SHF: variants seen among roughly 807,000 people sequenced by gnomAD.
SHF encodes SH2 domain-containing adapter protein F.
Under a neutral mutation model 42.4 loss-of-function variants are expected in SHF, and 30 were observed. The observed-to-expected ratio is 0.71, with a 90% confidence interval of 0.53 to 0.96. The LOEUF (loss-of-function observed/expected upper bound fraction) is 0.96. Ranked by LOEUF, SHF falls within the 40% of genes least tolerant of loss-of-function variation. SHF has a pLI of 0.00. For synonymous variants in SHF, 264 were observed against 269.9 expected (o/e 0.98, Z 0.21); for missense variants, 598 against 634.0 (o/e 0.94, Z 0.61).
At position 45,195,052 on chromosome 15, in the gene SHF, A is replaced by G. The variant is rs531495187; in HGVS notation, c.303+3720T>C. ...TCACTCTGTTGCCCAGGCTGCTCTC[A>G]AACTCTTGAGTTCAAGTGATCCTCC... On this transcript the variant is annotated intron_variant, in intron 2 of 7. Transcript: ENST00000290894. Among the ~76,000 whole-genome samples, 9 of 152,096 alleles carry G rather than the reference A, an allele frequency of 5.9e-5. No homozygotes were observed. The East Asian group carries it at 1.8e-3, about 30-fold the overall frequency.
At chr15:45,190,399 T>C (rs190530156), upstream of SHF, among the ~76,000 whole-genome samples, 2 of 152,200 alleles carry the variant, frequency 1.3e-5, no homozygotes, top group Non-Finnish European at 2.9e-5. Context: ...AGAAATCCAA[T>C]AGTTGTGGGC....
At chr15:45,179,264 G>A (rs780424190) in intron 1 of SHF, among the ~76,000 whole-genome samples, 5 of 152,240 alleles carry the variant, frequency 3.3e-5, no homozygotes, top group Admixed American at 6.5e-5. Context: ...ACCATTCTAC[G>A]TAAGTGGAGG....
At chr15:45,199,020 C>G (rs752024439) in exon 2 of SHF, 10 of 1,608,720 alleles carry the variant, frequency 6.2e-6, no homozygotes, top group Non-Finnish European at 8.5e-6. Flanking sequence ...CGCGAACCCT[C>G]CAGGGTTCCG....
upstream of SHF, among the ~76,000 whole-genome samples, chr15:45,190,279 C>G (rs916939488): frequency 2.0e-5 from 3 of 152,130 alleles, no homozygotes; most frequent in South Asian, 2.1e-4. Flanking sequence ...ACTAATGGTG[C>G]AAAACGAAGC....
intron 2 of SHF, among the ~76,000 whole-genome samples, chr15:45,194,085 T>C (rs1898792880): frequency 8.2e-6 from 1 of 121,614 alleles, no homozygotes; most frequent in Admixed American, 9.9e-5. Context: ...CTGGGCAGCA[T>C]AGTGAGAGTT....
At chr15:45,187,359 G>C in intron 1 of SHF, 95 bp downstream of exon 1, 1 of 1,172,896 alleles carries the variant, frequency 8.5e-7, no homozygotes, top group Non-Finnish European at 1.1e-6. Context: ...CTGAGACACC[G>C]AGGGGCCCGG....
chr15:45,170,400 G>T lies in SHF; in HGVS notation c.1280+1483C>A, dbSNP rs76108212. ...TTTTAAAGCAATACACATTTCTGAG[G>T]TTATGTAAATCAAATTTTTGACAAA... On this transcript the variant is annotated intron_variant, in intron 6 of 6. Transcript: ENST00000690270. 1.5e-4 allele frequency: 190 copies of T among 1,288,830 alleles called. No individual in the cohort carries two copies. The African/African-American group carries it at 2.7e-3, about 18-fold the overall frequency. The allele number at this position is 1,288,830 out of a possible 1,614,324, so 79.8% of individuals were successfully genotyped here. A position where few individuals can be genotyped will look rare whatever the true frequency, so the allele number is the denominator to read the frequency against.
At chr15:45,194,391 G>A (rs191397887) in intron 2 of SHF, among the ~76,000 whole-genome samples, 32 of 151,558 alleles carry the variant, frequency 2.1e-4, no homozygotes, top group African/African-American at 6.5e-4. Flanking sequence ...TTGCTCTGTC[G>A]CCCAGGCTGG....
intron 1 of SHF, among the ~76,000 whole-genome samples, chr15:45,185,649 C>T (rs1898353469): frequency 1.3e-5 from 2 of 152,150 alleles, no homozygotes; most frequent in African/African-American, 4.8e-5. Flanking sequence ...ATCTCTTGGC[C>T]CCTAAGTCTG....
exon 1 of SHF, chr15:45,200,821 T>C (rs1313659133): frequency 8.8e-6 from 4 of 456,296 alleles, no homozygotes; most frequent in African/African-American, 6.0e-5. Flanking sequence ...GTCGTTCAGA[T>C]AGCATGATAG....
Position 45,175,199 on chromosome 15 carries a change from C to T in SHF, c.847+20G>A, listed in dbSNP as rs748063412. ...CTGCTCAGAGGCCCCAGCTGACCTG[C>T]CCTCTCCACCAGGACTCACCTGCAA... is the stretch of plus-strand genomic sequence containing the variant. On this transcript the variant is annotated intron_variant, in intron 3 of 6. Coordinates refer to ENST00000690270, the MANE Select transcript of SHF (RefSeq NM_001394037.1). 5.0e-6 allele frequency: 8 copies of T among 1,597,438 alleles called. No individual in the cohort carries two copies. The Admixed American group carries it at 5.2e-5, about 10-fold the overall frequency.
At position 45,187,825 on chromosome 15, in the gene SHF, C is replaced by A. The variant is rs1898528100; in HGVS notation, c.127G>T (p.Gly43Cys). ...AGCCACTTGGCTACTCCGCCGCTGC[C>A]GCCCCCTCCTGGGCCGGCTCCCGCA... ...GGAGAGPGGG[G>C]SGGVAKWLRE... The change falls in exon 1 of 7, where the codon GGC (glycine) becomes TGC (cysteine). Residue 43 changes from glycine (G) to cysteine (C), a missense_variant. Physicochemically the swap from Gly to Cys is radical, Grantham distance 159. Around this residue, in one of 2 missense-constraint regions of SHF, gnomAD observed 159 missense variants for 109.3 expected, o/e 1.45. Coordinates refer to ENST00000690270, the MANE Select transcript of SHF (RefSeq NM_001394037.1). The A allele has an allele frequency of 2.1e-6, 2 of 935,498 alleles. No individual in the cohort carries two copies. The highest frequency in any genetic ancestry group is 5.0e-5 in the South Asian group (1 of 20,100). 57.9% of individuals were successfully genotyped at this position (935,498 alleles called of 1,614,324 possible).
At chr15:45,190,736 G>C (rs1394612157), upstream of SHF, among the ~76,000 whole-genome samples, 1 of 152,010 alleles carries the variant, frequency 6.6e-6, no homozygotes, top group African/African-American at 2.4e-5. Flanking sequence ...CATAGAGGTG[G>C]GAACCCGCAC....
chr15:45,182,592 T>C (rs1898187124), intron 1 of SHF, among the ~76,000 whole-genome samples: 1 of 152,236 alleles, frequency 6.6e-6, no homozygotes, highest in African/African-American at 2.4e-5. Flanking sequence ...TAGTATGTTA[T>C]CATAGATTTT....
chr15:45,188,084 G>A (rs1311208320), upstream of SHF: 1 of 344,336 alleles, frequency 2.9e-6, no homozygotes, highest in Non-Finnish European at 4.8e-6. Flanking sequence ...GCGGGGCTCC[G>A]CTCCCTAACA....
At position 45,167,891 on chromosome 15, in the gene SHF, C is replaced by G. The variant is rs989447771; in HGVS notation, c.*56G>C. ...CCCTGGCAAGAGCCACAGCCCTCAG[C>G]CAGGTGATGGGCACAGGGCTGGGTA... On this transcript the variant is annotated 3_prime_UTR_variant, in exon 7 of 7. Coordinates refer to ENST00000690270, the MANE Select transcript of SHF (RefSeq NM_001394037.1). 2 of 1,420,390 alleles carry G rather than the reference C, an allele frequency of 1.4e-6. No individual in the cohort carries two copies. Among genetic ancestry groups the G allele is most frequent in the Admixed American group, 2.5e-5 (1 of 40,732 alleles). The allele number at this position is 1,420,390 out of a possible 1,614,324, so 88.0% of individuals were successfully genotyped here. A position where few individuals can be genotyped will look rare whatever the true frequency, so the allele number is the denominator to read the frequency against.
intron 1 of SHF, among the ~76,000 whole-genome samples, chr15:45,200,140 C>T (rs1216028480): frequency 6.6e-6 from 1 of 152,092 alleles, no homozygotes; most frequent in South Asian, 2.1e-4. Context: ...GAATCCGCTC[C>T]CAGTGCTTCT....
At chr15:45,178,534 CT>C (rs3067019) in intron 1 of SHF, among the ~76,000 whole-genome samples, 152 of 126,576 alleles carry the variant, frequency 1.2e-3, no homozygotes, top group Middle Eastern at 4.3e-3. Flanking sequence ...TTCCTTCTTT[CT>C]TTTTTTTTTT....
chr15:45,178,324 AG>A lies in SHF; in HGVS notation c.499-19del. The A allele has an allele frequency of 6.2e-7, 1 of 1,609,984 alleles. No individual in the cohort carries two copies. Among genetic ancestry groups the A allele is most frequent in the African/African-American group, 1.3e-5 (1 of 74,792 alleles). On this transcript the variant is annotated intron_variant, in intron 1 of 6. Transcript: ENST00000690270. ...ATAGCTAGCTGTGGGAGGAGAGTGA[AG>A]AGAGTGGGCTTCAGGGAGCAGAGAG...
Sources: allele counts gnomAD v4.1 joint callset (sites outside exome capture counted in the v4.1 genomes callset), GRCh38; gene constraint gnomAD v4.1.1; regional missense constraint gnomAD v4.1.1; transcripts MANE v1.5; gene names NCBI Gene and HGNC (gene_info 2026-07-23, HGNC 2026-07-21).